Variants in STK17B observed in about 807,000 individuals in gnomAD.
STK17B encodes serine/threonine kinase 17b.
Under a neutral mutation model 42.0 loss-of-function variants are expected in STK17B, and 21 were observed. The ratio of observed to expected loss-of-function variants is 0.50; its 90% confidence interval spans 0.35 to 0.72. The LOEUF is 0.72. Among genes scored for constraint, STK17B ranks in the 30% least tolerant of loss-of-function variants. STK17B has a pLI of 0.00. For missense variants in STK17B, 349 were observed against 446.0 expected, an observed-to-expected ratio of 0.78 and a Z score of 1.96; for synonymous variants, 143 against 148.4, an observed-to-expected ratio of 0.96 and a Z score of 0.26.
rs570343609 is a variant in STK17B at position 196,165,845 on chromosome 2, C to T, written c.-44-2418G>A. On this transcript the variant is annotated intron_variant, in intron 1 of 7. Transcript: ENST00000263955. ...TCCACAAAACAAAATTAACATTCTACCCAAAAATACTCTCCCTGCAGTTCC... is the reference window on the plus strand; with the variant it reads ...TCCACAAAACAAAATTAACATTCTATCCAAAAATACTCTCCCTGCAGTTCC... 5 of 152,364 alleles carry T rather than the reference C, an allele frequency of 3.3e-5. No homozygotes were observed. In the East Asian group the frequency reaches 9.6e-4, roughly 29 times the overall value. 9.4% of individuals were successfully genotyped at this position (152,364 alleles called of 1,614,324 possible). A position where few individuals can be genotyped will look rare whatever the true frequency, so the allele number is the denominator to read the frequency against.
In STK17B at chr2:196,142,452, C is replaced by CA. The variant is rs567537590; in HGVS notation, c.607+1107dup. On this transcript the variant is annotated intron_variant, in intron 5 of 7. Coordinates refer to ENST00000263955, the MANE Select transcript of STK17B (RefSeq NM_004226.4). ...TTAATTTTCTGCTGTCTTCACTTGC[C>CA]AAAAAAAAAAGTGCAAAATAAATTC... 3.4e-3 allele frequency among the ~76,000 whole-genome samples: 496 copies of CA among 145,138 alleles called. 3 individuals carry two copies. The highest frequency in any genetic ancestry group is 0.011 in the African/African-American group (438 of 39,770).
intron 1 of STK17B, among the ~76,000 whole-genome samples, chr2:196,167,589 A>T (rs1233262829): frequency 6.6e-6 from 1 of 152,232 alleles, no homozygotes; most frequent in Non-Finnish European, 1.5e-5. Flanking sequence ...AAGTCTGGAA[A>T]CACAGATAAA....
intron 7 of STK17B, among the ~76,000 whole-genome samples, chr2:196,138,919 A>T (rs781582169): frequency 7.2e-5 from 11 of 151,810 alleles, no homozygotes; most frequent in Non-Finnish European, 1.5e-4. Context: ...CAATCCTTCA[A>T]GATTTCACAA....
At chr2:196,167,653 C>G (rs1023913204) in intron 1 of STK17B, among the ~76,000 whole-genome samples, 13 of 152,310 alleles carry the variant, frequency 8.5e-5, no homozygotes, top group Admixed American at 2.6e-4. Context: ...GTTTTTACCA[C>G]TGTTTCCAGA....
intron 4 of STK17B, 139 bp downstream of exon 4, chr2:196,145,772 G>A (rs1056494982): frequency 9.7e-6 from 7 of 725,032 alleles, no homozygotes; most frequent in African/African-American, 3.7e-5. Context: ...ATAGGCACAC[G>A]TAAGCAAAGA....
At chr2:196,171,768 G>A (rs1028902745), upstream of STK17B, among the ~76,000 whole-genome samples, 38 of 149,564 alleles carry the variant, frequency 2.5e-4, no homozygotes, top group Non-Finnish European at 4.8e-4. Flanking sequence ...CCCGAGGCGG[G>A]GCGGGGAGGC....
At position 196,156,613 on chromosome 2, in the gene STK17B, G is replaced by A. The variant is rs750899409; in HGVS notation, c.161C>T (p.Ser54Phe). 1 of 1,613,950 alleles carries A rather than the reference G, an allele frequency of 6.2e-7. No individual in the cohort carries two copies. The highest frequency in any genetic ancestry group is 8.5e-7 in the Non-Finnish European group (1 of 1,179,948). ...TTTTGCAGCATATTCTTGGCCAGTA[G>A]ATTTTGATATACATTGTCTAACCAC... is the stretch of plus-strand genomic sequence containing the variant. ...FAVVRQCISKSTGQEYAAKFL... is the reference protein window; with the variant it reads ...FAVVRQCISKFTGQEYAAKFL... Residue 54 changes from serine to phenylalanine, a missense_variant, in exon 3 of 8, where the codon TCT becomes TTT. Ser to Phe is a radical substitution (Grantham distance 155). Around this residue, in one of 3 missense-constraint regions of STK17B, gnomAD observed 256 missense variants for 347.7 expected, o/e 0.74. Coordinates refer to ENST00000263955, the MANE Select transcript of STK17B (RefSeq NM_004226.4).
intron 5 of STK17B, 139 bp from the exon 6 acceptor site, chr2:196,141,436 G>C: frequency 6.4e-6 from 4 of 621,632 alleles, no homozygotes; most frequent in Non-Finnish European, 5.6e-6. Context: ...GAGGCAGGCA[G>C]ATCACCTGAG....
intron 3 of STK17B, among the ~76,000 whole-genome samples, chr2:196,150,823 G>C (rs1699656004): frequency 6.6e-6 from 1 of 152,160 alleles, no homozygotes. Flanking sequence ...TGGGATTTTA[G>C]AATGGAAAGA....
chr2:196,172,130 A>T (rs1216013383), upstream of STK17B, among the ~76,000 whole-genome samples: 1 of 152,158 alleles, frequency 6.6e-6, no homozygotes, highest in East Asian at 1.9e-4. Context: ...TCAGTTGGGG[A>T]TTTATGGAAC....
At chr2:196,143,157 G>C (rs1177774718) in intron 5 of STK17B, among the ~76,000 whole-genome samples, 2 of 152,182 alleles carry the variant, frequency 1.3e-5, no homozygotes, top group African/African-American at 2.4e-5. Context: ...AACAGCTCTG[G>C]AATTGGGACC....
At chr2:196,174,457 T>C (rs1699980521), upstream of STK17B, 1 of 152,250 alleles carries the variant, frequency 6.6e-6, no homozygotes. Context: ...GGCCTCAAAC[T>C]CAAAACTCTT....
chr2:196,140,910 C>T (rs112016215), intron 6 of STK17B, among the ~76,000 whole-genome samples: 9 of 152,056 alleles, frequency 5.9e-5, no homozygotes, highest in African/African-American at 2.2e-4. Context: ...AGGTGGAGCC[C>T]GGCAATGGAC....
At chr2:196,163,779 T>C (rs1362711863) in intron 1 of STK17B, among the ~76,000 whole-genome samples, 1 of 152,164 alleles carries the variant, frequency 6.6e-6, no homozygotes, top group East Asian at 1.9e-4. Flanking sequence ...GGTATACGCC[T>C]ATAATCCCAG....
At chr2:196,172,029 T>C (rs1699954925), upstream of STK17B, among the ~76,000 whole-genome samples, 1 of 152,198 alleles carries the variant, frequency 6.6e-6, no homozygotes, top group South Asian at 2.1e-4. Context: ...TTCTGACTCT[T>C]CTTGAGAGTC....
intron 1 of STK17B, among the ~76,000 whole-genome samples, chr2:196,165,376 T>C (rs1699864403): frequency 6.6e-6 from 1 of 152,234 alleles, no homozygotes; most frequent in Admixed American, 6.5e-5. Context: ...AACACAGTTA[T>C]TTAAAAAGAA....
intron 3 of STK17B, among the ~76,000 whole-genome samples, chr2:196,149,068 T>C (rs1203378794): frequency 6.6e-6 from 1 of 152,170 alleles, no homozygotes; most frequent in African/African-American, 2.4e-5. Context: ...CATAAAGTAT[T>C]GAGCACAAAC....
At chr2:196,153,154 TC>T (rs1273525685) in intron 3 of STK17B, 6 of 145,556 alleles carry the variant, frequency 4.1e-5, no homozygotes, top group Non-Finnish European at 9.0e-5. Flanking sequence ...AAAAATCACA[TC>T]CTAACACTGA....
chr2:196,143,726 A>G, intron 4 of STK17B, 40 bp from the exon 5 acceptor site: 1 of 1,435,400 alleles, frequency 7.0e-7, no homozygotes, highest in Non-Finnish European at 9.2e-7. Context: ...GTAATATACA[A>G]AAAAGCATAC....
Sources: gnomAD v4.1 joint callset for allele counts (sites outside exome capture counted in the v4.1 genomes callset) on GRCh38, gnomAD v4.1.1 for gene constraint, gnomAD v4.1.1 regional missense constraint, MANE v1.5 for transcripts, NCBI Gene and HGNC (gene_info 2026-07-23, HGNC 2026-07-21) for gene names.